The following PLPPR1 variants were observed in gnomAD, a reference collection of about 807,000 sequenced individuals.
PLPPR1 encodes the protein phospholipid phosphatase related 1, also known as phospholipid phosphatase-related protein type 1.
Under a neutral mutation model 33.1 loss-of-function variants are expected in PLPPR1, and 10 were observed. The ratio of observed to expected loss-of-function variants is 0.30; its 90% CI spans 0.19 to 0.51. The LOEUF (loss-of-function observed/expected upper bound fraction) is 0.51. PLPPR1 is among the 20% of genes least tolerant of loss of function. The probability of loss-of-function intolerance (pLI) is 0.97; values close to 1 mark genes in which losing one functional copy is unlikely to be tolerated. For missense variants in PLPPR1, 304 were observed against 408.1 expected (o/e 0.74, Z 2.20); for synonymous variants, 151 against 151.0 (o/e 1.00, Z 0.00).
intron 1 of PLPPR1, among the ~76,000 whole-genome samples, chr9:101,143,563 A>T (rs943755141): frequency 1.3e-5 from 2 of 152,228 alleles, no homozygotes; most frequent in South Asian, 4.1e-4. Flanking sequence ...ATCTACAAAG[A>T]ACTTAAACAA....
chr9:101,164,365 C>CTT (rs66835142), intron 1 of PLPPR1, among the ~76,000 whole-genome samples: 178 of 133,494 alleles, frequency 1.3e-3, no homozygotes, highest in South Asian at 2.1e-3. Context: ...CTTTTCTTTT[C>CTT]TTTTTTTTTT....
At chr9:101,042,945 G>T (rs1452950641) in intron 1 of PLPPR1, among the ~76,000 whole-genome samples, 1 of 151,878 alleles carries the variant, frequency 6.6e-6, no homozygotes, top group Non-Finnish European at 1.5e-5. Flanking sequence ...TAGGTTTTTG[G>T]GGAACAGGTG....
intron 2 of PLPPR1, among the ~76,000 whole-genome samples, chr9:101,253,063 T>C (rs939489902): frequency 1.3e-5 from 2 of 152,092 alleles, no homozygotes; most frequent in Non-Finnish European, 2.9e-5. Context: ...TTATTATATC[T>C]CTGATCTCCT....
At chr9:101,228,716 T>TACA (rs536884478) in intron 2 of PLPPR1, among the ~76,000 whole-genome samples, 41 of 152,088 alleles carry the variant, frequency 2.7e-4, no homozygotes, top group East Asian at 2.5e-3. Flanking sequence ...ACCAATTGAG[T>TACA]ACACCATAAA....
chr9:101,118,495 CTCTCTCTCTCTT>C (rs1831141100), intron 1 of PLPPR1, among the ~76,000 whole-genome samples: 1 of 152,166 alleles, frequency 6.6e-6, no homozygotes, highest in African/African-American at 2.4e-5. Context: ...CTGGAACTCT[CTCTCTCTCTCTT>C]TCTCTCTCCA....
rs185856522 is a variant in PLPPR1 at position 101,194,633 on chromosome 9, C to T, written c.63+9076C>T. ...AGGCATGGTGGTGCACGCCTGTAAT[C>T]TCAGCTACTTGGGAGGCTGAGGCAG... On this transcript the variant is annotated intron_variant, in intron 2 of 7. Transcript: ENST00000374874. Among the ~76,000 whole-genome samples the T allele has an allele frequency of 1.8e-4, 28 of 152,030 alleles. No homozygotes were observed. The East Asian group carries it at 5.2e-3, about 28-fold the overall frequency.
chr9:101,155,258 A>G (rs1588050727), intron 1 of PLPPR1, among the ~76,000 whole-genome samples: 1 of 151,950 alleles, frequency 6.6e-6, no homozygotes, highest in East Asian at 1.9e-4. Flanking sequence ...GAGAAAGGAG[A>G]TTGTTTTAGT....
At chr9:101,300,420 C>T (rs1475245969) in intron 4 of PLPPR1, among the ~76,000 whole-genome samples, 1 of 152,194 alleles carries the variant, frequency 6.6e-6, no homozygotes, top group East Asian at 1.9e-4. Context: ...ATCCTCCAGC[C>T]TCAGCCTTCC....
intron 1 of PLPPR1, among the ~76,000 whole-genome samples, chr9:101,135,318 C>A (rs1831365403): frequency 6.6e-6 from 1 of 152,162 alleles, no homozygotes; most frequent in African/African-American, 2.4e-5. Context: ...CCCAAACAAG[C>A]CATTTGGTTA....
chr9:101,305,123 A>C (rs919331057), intron 4 of PLPPR1, among the ~76,000 whole-genome samples: 14 of 152,128 alleles, frequency 9.2e-5, no homozygotes, highest in Admixed American at 8.5e-4. Flanking sequence ...TGAAAGAAAG[A>C]AAGCCTTTCC....
chr9:101,255,842 C>T (rs117473926), intron 2 of PLPPR1, among the ~76,000 whole-genome samples: 2,313 of 152,252 alleles, frequency 0.015, 28 homozygotes, highest in South Asian at 0.04. Flanking sequence ...AAACAATTTT[C>T]CCCAATAGTG....
At chr9:101,240,444 G>A (rs1004074653) in intron 2 of PLPPR1, among the ~76,000 whole-genome samples, 3 of 150,298 alleles carry the variant, frequency 2.0e-5, no homozygotes, top group Middle Eastern at 3.2e-3. Flanking sequence ...AATATCATTG[G>A]CATTTTGATT....
intron 1 of PLPPR1, among the ~76,000 whole-genome samples, chr9:101,170,294 G>A (rs761122513): frequency 2.6e-5 from 4 of 152,138 alleles, no homozygotes; most frequent in Non-Finnish European, 4.4e-5. Context: ...ATTTGTAAAG[G>A]AAAGAGGTTT....
chr9:101,174,821 C>G (rs1268541619), intron 1 of PLPPR1, among the ~76,000 whole-genome samples: 1 of 152,102 alleles, frequency 6.6e-6, no homozygotes, highest in Non-Finnish European at 1.5e-5. Context: ...AATATATTTA[C>G]CTCCTAGAAA....
At chr9:101,160,559 T>G (rs16919990) in intron 1 of PLPPR1, among the ~76,000 whole-genome samples, 6,810 of 152,236 alleles carry the variant, frequency 0.045, 474 homozygotes, top group African/African-American at 0.15. Flanking sequence ...TGACATAGTA[T>G]GAGTAACAAA....
Position 101,324,530 on chromosome 9 carries a change from A to G in PLPPR1, c.*473A>G, listed in dbSNP as rs1829218283. 1 of 153,008 alleles carries G rather than the reference A, an allele frequency of 6.5e-6. No homozygotes were observed. Among genetic ancestry groups the G allele is most frequent in the Non-Finnish European group, 1.5e-5 (1 of 68,612 alleles). 9.5% of individuals were successfully genotyped at this position (153,008 alleles called of 1,614,324 possible). ...AATAAATCTCAAAGTCAATTGTAGA[A>G]AAAAAATTGTCTTCAAAAAGAATGT... is the stretch of plus-strand genomic sequence containing the variant. On this transcript the variant is annotated 3_prime_UTR_variant, in exon 8 of 8. Transcript: ENST00000374874.
intron 2 of PLPPR1, among the ~76,000 whole-genome samples, chr9:101,247,915 GT>G (rs940552750): frequency 2.0e-5 from 3 of 151,852 alleles, no homozygotes; most frequent in Non-Finnish European, 4.4e-5. Context: ...ATCCAGCTAA[GT>G]TTTTTTTCTG....
chr9:101,120,310 T>C (rs934020076), intron 1 of PLPPR1, among the ~76,000 whole-genome samples: 1 of 152,242 alleles, frequency 6.6e-6, no homozygotes, highest in Non-Finnish European at 1.5e-5. Flanking sequence ...TTTGCTGATA[T>C]TACTGGCATT....
At chr9:101,032,402 T>A (rs1829956563) in intron 1 of PLPPR1, among the ~76,000 whole-genome samples, 1 of 151,970 alleles carries the variant, frequency 6.6e-6, no homozygotes, top group Non-Finnish European at 1.5e-5. Flanking sequence ...GCAGTAGGGG[T>A]GGACAAGAGG....
Sources: allele counts gnomAD v4.1 joint callset (sites outside exome capture counted in the v4.1 genomes callset), GRCh38; gene constraint gnomAD v4.1.1; transcripts MANE v1.5; gene names NCBI Gene and HGNC (gene_info 2026-07-23, HGNC 2026-07-21).